TMTC2: variants seen among roughly 807,000 people sequenced by gnomAD.
The protein encoded by TMTC2 is transmembrane O-mannosyltransferase targeting cadherins 2.
A neutral mutation model predicts 82.4 loss-of-function variants in TMTC2; 43 were observed. That is an observed-to-expected ratio of 0.52 (90% confidence interval 0.41 to 0.67). The LOEUF is 0.67. TMTC2 is among the 30% of genes least tolerant of loss of function. The pLI is 0.00. For synonymous variants in TMTC2, 408 were observed against 381.9 expected (o/e 1.07, Z -0.80); for missense variants, 919 against 1,012.4 (o/e 0.91, Z 1.25).
Position 83,117,896 on chromosome 12 carries a change from TTTTATTTA to T in TMTC2, c.2332-14286_2332-14279del, listed in dbSNP as rs3069105. ...CCTTGGTTAGGTATATTCCTAAGTA[TTTTATTTA>T]TTTATTTATTTATTTATTTATTTAT... On this transcript the variant is annotated intron_variant, in intron 11 of 11. Transcript: ENST00000321196. Among the ~76,000 whole-genome samples the T allele has an allele frequency of 3.5e-4, 52 of 149,066 alleles. 1 individual carries two copies. The highest frequency in any genetic ancestry group is 7.0e-3 in the Middle Eastern group (2 of 284).
At chr12:82,994,629 TAAA>T (rs796451657) in intron 8 of TMTC2, among the ~76,000 whole-genome samples, 4 of 123,896 alleles carry the variant, frequency 3.2e-5, no homozygotes, top group Non-Finnish European at 1.8e-5. Context: ...CTTACAGAAC[TAAA>T]AAAAAAAAAA....
chr12:82,942,423 A>T (rs1876772282), intron 4 of TMTC2, among the ~76,000 whole-genome samples: 1 of 152,218 alleles, frequency 6.6e-6, no homozygotes, highest in Non-Finnish European at 1.5e-5. Context: ...TCATAGAAAC[A>T]TGTTGTTTAA....
intron 2 of TMTC2, among the ~76,000 whole-genome samples, chr12:82,873,076 A>T (rs541037099): frequency 2.0e-5 from 3 of 152,198 alleles, no homozygotes; most frequent in Non-Finnish European, 2.9e-5. Context: ...TTCACATATC[A>T]TAAAATTGAC....
rs1592729995 is a variant in TMTC2, at chr12:83,073,536, C to T, written c.2331+11705C>T. On this transcript the variant is annotated intron_variant, in intron 11 of 11. Coordinates refer to ENST00000321196, the MANE Select transcript of TMTC2 (RefSeq NM_152588.3). Reference sequence around the variant, plus strand: ...TGAATGTCTAGGTCTCTAGCAAGGCCAGGGAAGTTTTCCTTGATTATTTCC... The same window carrying T: ...TGAATGTCTAGGTCTCTAGCAAGGCTAGGGAAGTTTTCCTTGATTATTTCC... Among the ~76,000 whole-genome samples the T allele has an allele frequency of 2.0e-5, 3 of 152,216 alleles. No individual in the cohort carries two copies. The South Asian group carries it at 6.2e-4, about 32-fold the overall frequency.
At chr12:82,811,798 G>T in intron 1 of TMTC2, among the ~76,000 whole-genome samples, 1 of 137,054 alleles carries the variant, frequency 7.3e-6, no homozygotes, top group East Asian at 2.1e-4. Context: ...TCTTTTCCAT[G>T]CTCTCCTTCT....
At chr12:82,988,215 T>G (rs535664055) in intron 8 of TMTC2, among the ~76,000 whole-genome samples, 1 of 152,232 alleles carries the variant, frequency 6.6e-6, no homozygotes, top group East Asian at 1.9e-4. Flanking sequence ...ATACAGCTGA[T>G]TTTTGCAACT....
intron 10 of TMTC2, among the ~76,000 whole-genome samples, chr12:83,058,851 A>C (rs1346245655): frequency 6.6e-6 from 1 of 151,846 alleles, no homozygotes; most frequent in African/African-American, 2.4e-5. Flanking sequence ...AAAAGTTTCC[A>C]CTATATCTAA....
At chr12:82,837,120 C>T (rs910568685) in intron 1 of TMTC2, among the ~76,000 whole-genome samples, 13 of 152,182 alleles carry the variant, frequency 8.5e-5, no homozygotes, top group Admixed American at 6.6e-5. Context: ...CTTGGAGCCT[C>T]TCATTGAGAT....
chr12:82,841,781 G>A (rs995913084), intron 1 of TMTC2, among the ~76,000 whole-genome samples: 15 of 152,264 alleles, frequency 9.9e-5, no homozygotes, highest in African/African-American at 3.6e-4. Context: ...TTTAAATTTT[G>A]TAATATGAAA....
chr12:83,122,257 A>G (rs1445706949), intron 11 of TMTC2, among the ~76,000 whole-genome samples: 2 of 151,400 alleles, frequency 1.3e-5, no homozygotes, highest in Non-Finnish European at 2.9e-5. Context: ...CCCAGCTATG[A>G]AAGCAAGTGT....
intron 3 of TMTC2, among the ~76,000 whole-genome samples, chr12:82,899,712 AAT>A (rs1194618792): frequency 8.2e-6 from 1 of 121,812 alleles, no homozygotes; most frequent in Non-Finnish European, 1.6e-5. Context: ...ATATATGTGG[AAT>A]ATATATATAA....
chr12:82,883,521 G>A (rs901823786), intron 2 of TMTC2, among the ~76,000 whole-genome samples: 1 of 152,148 alleles, frequency 6.6e-6, no homozygotes, highest in Non-Finnish European at 1.5e-5. Context: ...CCTCCCCACT[G>A]AGTGAAGTCT....
At chr12:82,951,228 A>G (rs1877327289) in intron 4 of TMTC2, among the ~76,000 whole-genome samples, 1 of 150,762 alleles carries the variant, frequency 6.6e-6, no homozygotes. Flanking sequence ...CCTTTTTTCC[A>G]TTTTTCTTAG....
chr12:82,699,147 G>A (rs1872953693), intron 1 of TMTC2, among the ~76,000 whole-genome samples: 1 of 152,188 alleles, frequency 6.6e-6, no homozygotes, highest in Non-Finnish European at 1.5e-5. Context: ...TTCACTTGGA[G>A]TCTGTGGTTG....
chr12:82,959,703 C>T (rs192251732), intron 4 of TMTC2, among the ~76,000 whole-genome samples: 8 of 152,120 alleles, frequency 5.3e-5, no homozygotes, highest in African/African-American at 1.9e-4. Context: ...AAGTGTAAGT[C>T]CTCAAAGTGT....
At chr12:82,965,905 G>A (rs1194629681) in intron 6 of TMTC2, 161 bp downstream of exon 6, 3 of 699,934 alleles carry the variant, frequency 4.3e-6, no homozygotes, top group Non-Finnish European at 6.8e-6. Context: ...GATGACATTG[G>A]AATGGTTTTT....
At chr12:82,922,429 G>A (rs1233936939) in intron 3 of TMTC2, among the ~76,000 whole-genome samples, 2 of 152,054 alleles carry the variant, frequency 1.3e-5, no homozygotes, top group African/African-American at 4.8e-5. Context: ...TAGCATAACT[G>A]CATCTCTATT....
chr12:83,018,441 G>T (rs1565855297), intron 8 of TMTC2, among the ~76,000 whole-genome samples: 1 of 152,192 alleles, frequency 6.6e-6, no homozygotes, highest in African/African-American at 2.4e-5. Context: ...TGCTTATAGT[G>T]CTGGTGATAA....
At chr12:82,723,007 G>A (rs1565722074) in intron 1 of TMTC2, among the ~76,000 whole-genome samples, 1 of 152,100 alleles carries the variant, frequency 6.6e-6, no homozygotes, top group Non-Finnish European at 1.5e-5. Flanking sequence ...TAAAACTGTA[G>A]TTTTTTCATG....
Sources: gnomAD v4.1 joint callset for allele counts (sites outside exome capture counted in the v4.1 genomes callset) on GRCh38, gnomAD v4.1.1 for gene constraint, MANE v1.5 for transcripts, NCBI Gene and HGNC (gene_info 2026-07-23, HGNC 2026-07-21) for gene names.